Variants in SLCO3A1 observed in about 807,000 individuals in gnomAD.
The protein encoded by SLCO3A1 is solute carrier organic anion transporter family member 3A1.
SLCO3A1 carries 27 observed loss-of-function variants against 63.1 expected under a neutral mutation model. The ratio of observed to expected loss-of-function variants is 0.43; its 90% CI spans 0.32 to 0.59. The LOEUF is 0.59. Ranked by LOEUF, SLCO3A1 falls within the 20% of genes least tolerant of loss-of-function variation. The pLI is 0.09. For missense variants in SLCO3A1, 773 were observed against 945.8 expected, an observed-to-expected ratio of 0.82 and a Z score of 2.40; for synonymous variants, 473 against 409.9, an observed-to-expected ratio of 1.15 and a Z score of -1.86.
At chr15:92,105,880 G>T (rs1381426484) in intron 4 of SLCO3A1, among the ~76,000 whole-genome samples, 1 of 152,222 alleles carries the variant, frequency 6.6e-6, no homozygotes, top group Non-Finnish European at 1.5e-5. Context: ...AGCAGTGAAA[G>T]TCTGTTTACT....
intron 2 of SLCO3A1, among the ~76,000 whole-genome samples, chr15:91,971,462 T>C (rs1900867970): frequency 6.6e-6 from 1 of 150,904 alleles, no homozygotes; most frequent in African/African-American, 2.4e-5. Flanking sequence ...AGTATCCTTT[T>C]TGTTGTCTAT....
At chr15:91,972,901 A>G (rs1597174560) in intron 2 of SLCO3A1, among the ~76,000 whole-genome samples, 1 of 152,158 alleles carries the variant, frequency 6.6e-6, no homozygotes, top group Non-Finnish European at 1.5e-5. Flanking sequence ...CAGGCGGATC[A>G]CCTGAGGTCA....
intron 1 of SLCO3A1, among the ~76,000 whole-genome samples, chr15:91,896,925 C>A (rs561127175): frequency 1.3e-5 from 2 of 152,162 alleles, no homozygotes; most frequent in Non-Finnish European, 2.9e-5. Flanking sequence ...AGCCTTGATG[C>A]TGAGGAGAGG....
intron 4 of SLCO3A1, among the ~76,000 whole-genome samples, chr15:92,106,197 T>G (rs1421962728): frequency 3.3e-5 from 5 of 152,242 alleles, no homozygotes; most frequent in African/African-American, 4.8e-5. Context: ...ATGTTATGTC[T>G]GGCCCCATGT....
chr15:91,874,899 T>C (rs1392286087), intron 1 of SLCO3A1, among the ~76,000 whole-genome samples: 1 of 152,256 alleles, frequency 6.6e-6, no homozygotes, highest in African/African-American at 2.4e-5. Context: ...AAGTTAGCTT[T>C]TGCTTGACTA....
At chr15:92,051,949 C>T (rs2046963125) in intron 2 of SLCO3A1, among the ~76,000 whole-genome samples, 1 of 152,166 alleles carries the variant, frequency 6.6e-6, no homozygotes, top group African/African-American at 2.4e-5. Context: ...TACTGGGGAG[C>T]AGTTGGTGAT....
chr15:91,980,153 C>T (rs534040752), intron 2 of SLCO3A1, among the ~76,000 whole-genome samples: 1 of 152,280 alleles, frequency 6.6e-6, no homozygotes, highest in South Asian at 2.1e-4. Context: ...TCGGCCTCAG[C>T]TGTCCCTGTG....
intron 1 of SLCO3A1, among the ~76,000 whole-genome samples, chr15:91,879,541 C>T (rs1897498950): frequency 6.6e-6 from 1 of 152,052 alleles, no homozygotes; most frequent in South Asian, 2.1e-4. Flanking sequence ...TGTAACAAAT[C>T]AGCATTTGTA....
intron 2 of SLCO3A1, among the ~76,000 whole-genome samples, chr15:91,976,370 T>C (rs1428026849): frequency 1.3e-5 from 2 of 152,264 alleles, no homozygotes; most frequent in African/African-American, 2.4e-5. Flanking sequence ...GTTTCTACTT[T>C]TAAATGTAGC....
chr15:92,050,481 G>A (rs918463553), intron 2 of SLCO3A1, among the ~76,000 whole-genome samples: 1 of 152,190 alleles, frequency 6.6e-6, no homozygotes, highest in Non-Finnish European at 1.5e-5. Context: ...AATGCCTCCT[G>A]CTCTCTGGGA....
chr15:92,041,236 T>G (rs2046792945), intron 2 of SLCO3A1, among the ~76,000 whole-genome samples: 1 of 152,198 alleles, frequency 6.6e-6, no homozygotes, highest in Admixed American at 6.5e-5. Context: ...CTAACCCTTT[T>G]GTGCATGTAT....
Position 92,162,655 on chromosome 15 carries a change from A to G in SLCO3A1, c.1754-101A>G. On this transcript the variant is annotated intron_variant, in intron 9 of 9. Transcript: ENST00000318445. ...ATGTCTTTGAGCCACGGAGTCAGAC[A>G]TATTTGCCTAGCAGTGCTATAAGAA... 2.7e-6 allele frequency: 4 copies of G among 1,506,468 alleles called. No individual in the cohort carries two copies. The South Asian group carries it at 4.1e-5, about 15-fold the overall frequency. 93.3% of individuals were successfully genotyped at this position (1,506,468 alleles called of 1,614,324 possible).
chr15:91,959,465 C>A (rs988579838), intron 2 of SLCO3A1, among the ~76,000 whole-genome samples: 2 of 151,950 alleles, frequency 1.3e-5, no homozygotes, highest in African/African-American at 4.8e-5. Context: ...CACGGTGGCT[C>A]ACACCTGTAA....
At chr15:91,988,933 A>C (rs561233886) in intron 2 of SLCO3A1, among the ~76,000 whole-genome samples, 1 of 152,266 alleles carries the variant, frequency 6.6e-6, no homozygotes, top group East Asian at 1.9e-4. Flanking sequence ...CACATCAACT[A>C]TGTGTACAGT....
chr15:92,149,640 C>T (rs2048277851), intron 8 of SLCO3A1: 1 of 152,212 alleles, frequency 6.6e-6, no homozygotes, highest in Admixed American at 6.5e-5. Flanking sequence ...CCAGAGCTTT[C>T]AATAGTGTTC....
chr15:92,100,288 C>T (rs909044697), intron 3 of SLCO3A1, among the ~76,000 whole-genome samples: 2 of 152,206 alleles, frequency 1.3e-5, no homozygotes, highest in Non-Finnish European at 2.9e-5. Context: ...CATCTGTTCT[C>T]ATCATCTGGA....
chr15:91,873,531 T>TACACACACACACACAC (rs71912147), intron 1 of SLCO3A1, among the ~76,000 whole-genome samples: 7 of 146,668 alleles, frequency 4.8e-5, no homozygotes, highest in South Asian at 2.2e-4. Context: ...GCTACATTCA[T>TACACACACACACACAC]ACACACACAC....
At chr15:92,160,950 A>G (rs2238342) in intron 9 of SLCO3A1, among the ~76,000 whole-genome samples, 5,771 of 151,896 alleles carry the variant, frequency 0.038, 352 homozygotes, top group East Asian at 0.28. Context: ...CCTGAGATAC[A>G]GGTTTGATTT....
intron 2 of SLCO3A1, among the ~76,000 whole-genome samples, chr15:91,987,290 G>T (rs979228562): frequency 2.0e-5 from 3 of 152,080 alleles, no homozygotes; most frequent in African/African-American, 7.2e-5. Context: ...GTGTTCAGTA[G>T]GTGCTAATGA....
Sources: gnomAD v4.1 joint callset for allele counts (sites outside exome capture counted in the v4.1 genomes callset) on GRCh38, gnomAD v4.1.1 for gene constraint, MANE v1.5 for transcripts, NCBI Gene and HGNC (gene_info 2026-07-23, HGNC 2026-07-21) for gene names.